The following PKHD1 variants were observed in gnomAD, a reference collection of about 807,000 sequenced individuals.
The protein encoded by PKHD1 is PKHD1 ciliary IPT domain containing fibrocystin/polyductin.
PKHD1 carries 291 observed loss-of-function variants against 412.0 expected under a neutral mutation model. That is an observed-to-expected ratio of 0.71 (90% confidence interval 0.64 to 0.78). The LOEUF is 0.78. Among genes scored for constraint, PKHD1 ranks in the 30% least tolerant of loss-of-function variants. The pLI, the probability that PKHD1 is intolerant of heterozygous loss-of-function variation, is 0.00. For missense variants in PKHD1, 4,825 were observed against 4,950.7 expected, an observed-to-expected ratio of 0.97 and a Z score of 0.76; for synonymous variants, 1,777 against 1,821.5, an observed-to-expected ratio of 0.98 and a Z score of 0.62.
At chr6:52,009,171 C>T (rs1465735845) in intron 35 of PKHD1, among the ~76,000 whole-genome samples, 3 of 151,978 alleles carry the variant, frequency 2.0e-5, no homozygotes, top group Non-Finnish European at 2.9e-5. Flanking sequence ...GTGGGGGACA[C>T]GATGAAGCGA....
intron 52 of PKHD1, among the ~76,000 whole-genome samples, chr6:51,821,188 T>C (rs928020512): frequency 1.3e-5 from 2 of 152,190 alleles, no homozygotes; most frequent in African/African-American, 2.4e-5. Flanking sequence ...AGGTAAAATA[T>C]GTTTATGCAT....
intron 50 of PKHD1, among the ~76,000 whole-genome samples, chr6:51,839,636 T>A (rs1343629873): frequency 6.6e-6 from 1 of 152,046 alleles, no homozygotes; most frequent in Admixed American, 6.6e-5. Context: ...AACAGAAAAA[T>A]TAATTAATTC....
At chr6:52,026,651 TAATATTCC>T (rs768285025) in intron 31 of PKHD1, among the ~76,000 whole-genome samples, 61 of 152,330 alleles carry the variant, frequency 4.0e-4, no homozygotes, top group Non-Finnish European at 7.3e-4. Context: ...TTGTTCTATA[TAATATTCC>T]AATATTCCAT....
intron 35 of PKHD1, among the ~76,000 whole-genome samples, chr6:51,994,118 A>G (rs568102105): frequency 2.0e-5 from 3 of 150,608 alleles, no homozygotes; most frequent in Admixed American, 6.7e-5. Flanking sequence ...TTACTTCACT[A>G]CAGAACACTT....
At position 51,741,473 on chromosome 6, in the gene PKHD1, G is replaced by T. The variant is rs931360576; in HGVS notation, c.10156+2912C>A. ...GCCTGTGTTCAGAGAAAGCCAAAGG[G>T]CTGGAGAGTTAATGTCCCCAAAGCA... On this transcript the variant is annotated intron_variant, in intron 60 of 66. Transcript: ENST00000371117. Among the ~76,000 whole-genome samples, 5 of 152,192 alleles carry T rather than the reference G, an allele frequency of 3.3e-5. No homozygotes were observed. In the East Asian group the frequency reaches 7.7e-4, roughly 24 times the overall value.
At position 51,632,732 on chromosome 6, in the gene PKHD1, G is replaced by T. The variant is rs1041335451; in HGVS notation, c.11507-9C>A. ...AGCTGTAAAATTGACTCCTGTGGCG[G>T]GGAAAAGAAGATGTTTCAATGATAT... is the stretch of plus-strand genomic sequence containing the variant. On this transcript the variant is annotated splice_polypyrimidine_tract_variant and intron_variant, in intron 64 of 66. Coordinates refer to ENST00000371117, the MANE Select transcript of PKHD1 (RefSeq NM_138694.4). 1 of 1,610,042 alleles carries T rather than the reference G, an allele frequency of 6.2e-7. No individual in the cohort carries two copies. Among genetic ancestry groups the T allele is most frequent in the Admixed American group, 1.7e-5 (1 of 59,886 alleles).
intron 57 of PKHD1, among the ~76,000 whole-genome samples, chr6:51,750,542 C>A (rs1321569742): frequency 6.6e-6 from 1 of 151,528 alleles, no homozygotes; most frequent in Non-Finnish European, 1.5e-5. Flanking sequence ...GAAGGGCATG[C>A]AGCTCCCATT....
intron 11 of PKHD1, among the ~76,000 whole-genome samples, chr6:52,068,426 G>T (rs927459255): frequency 1.3e-5 from 2 of 152,178 alleles, no homozygotes. Flanking sequence ...CAATGGGCAG[G>T]CTCACAAAAA....
chr6:52,045,978 G>T (rs757441663), intron 24 of PKHD1, 26 bp downstream of exon 24: 4 of 1,526,800 alleles, frequency 2.6e-6, no homozygotes, highest in Admixed American at 1.7e-5. Flanking sequence ...GCAAATCCAT[G>T]CCACTAGAAG....
At chr6:51,784,403 A>G (rs1792531610) in intron 53 of PKHD1, among the ~76,000 whole-genome samples, 1 of 152,132 alleles carries the variant, frequency 6.6e-6, no homozygotes, top group African/African-American at 2.4e-5. Context: ...ATCTCTCTGG[A>G]TTTCAGTTTC....
At chr6:52,060,691 G>C (rs1273272971) in intron 14 of PKHD1, among the ~76,000 whole-genome samples, 1 of 151,928 alleles carries the variant, frequency 6.6e-6, no homozygotes, top group East Asian at 1.9e-4. Flanking sequence ...TAAATACCAA[G>C]AATATTTTCT....
intron 28 of PKHD1, among the ~76,000 whole-genome samples, chr6:52,033,847 A>G (rs1803474498): frequency 6.6e-6 from 1 of 152,124 alleles, no homozygotes. Flanking sequence ...AAGACATGTT[A>G]GCCAGGCACA....
chr6:51,813,694 C>G (rs1765026273), intron 52 of PKHD1, among the ~76,000 whole-genome samples: 1 of 151,998 alleles, frequency 6.6e-6, no homozygotes, highest in Non-Finnish European at 1.5e-5. Context: ...ATGATTTGGG[C>G]TTGACTGTGA....
chr6:52,082,444 A>T lies in PKHD1; in HGVS notation c.229T>A (p.Cys77Ser). 6.2e-7 allele frequency: 1 copy of T among 1,614,138 alleles called. No individual in the cohort carries two copies. Among genetic ancestry groups the T allele is most frequent in the Non-Finnish European group, 8.5e-7 (1 of 1,179,990 alleles). ...TCCAAGAAAACAGGAAAGACGTCAC[A>T]GGGAACACTCCGCAGTGCGGGCACC... ...MVVPALRSVP[C>S]DVFPVFLDLP... Residue 77 changes from cysteine to serine, a missense_variant, in exon 4 of 67, where the codon TGT becomes AGT. Cys to Ser is a moderately radical substitution (Grantham distance 112). Transcript: ENST00000371117.
At chr6:51,943,943 G>A (rs1741771) in intron 36 of PKHD1, among the ~76,000 whole-genome samples, 151,255 of 151,342 alleles carry the variant, frequency 1, 75,586 homozygotes, top group Middle Eastern at 1. Context: ...CTTCAATACT[G>A]TTATGTTTTA....
chr6:51,952,058 T>C (rs1214251305), intron 36 of PKHD1, among the ~76,000 whole-genome samples: 2 of 152,144 alleles, frequency 1.3e-5, no homozygotes, highest in Admixed American at 6.6e-5. Context: ...AATTGTTTAA[T>C]ATCTATCTAT....
intron 60 of PKHD1, among the ~76,000 whole-genome samples, chr6:51,682,511 C>G (rs1776824117): frequency 6.6e-6 from 1 of 152,006 alleles, no homozygotes; most frequent in Non-Finnish European, 1.5e-5. Context: ...ATGCTCTAGT[C>G]TCTGAGAATG....
At chr6:51,890,634 T>A (rs773280931) in intron 43 of PKHD1, among the ~76,000 whole-genome samples, 19 of 152,182 alleles carry the variant, frequency 1.2e-4, no homozygotes, top group Non-Finnish European at 1.9e-4. Flanking sequence ...AGGCCAGATT[T>A]AACTAAGGAG....
chr6:51,761,493 G>A (rs1788007208), intron 55 of PKHD1, among the ~76,000 whole-genome samples: 1 of 152,070 alleles, frequency 6.6e-6, no homozygotes, highest in Admixed American at 6.6e-5. Flanking sequence ...ATCTCAGTTA[G>A]ATAGGAAGAA....
Sources: gnomAD v4.1 joint callset for allele counts (sites outside exome capture counted in the v4.1 genomes callset) on GRCh38, gnomAD v4.1.1 for gene constraint, MANE v1.5 for transcripts, NCBI Gene and HGNC (gene_info 2026-07-23, HGNC 2026-07-21) for gene names.